CACNA1A: variants seen among roughly 807,000 people sequenced by gnomAD.
CACNA1A encodes the protein voltage-dependent P/Q-type calcium channel subunit alpha-1A.
In CACNA1A, 57 loss-of-function variants were observed where a neutral mutation model predicts 262.4. The ratio of observed to expected loss-of-function variants is 0.22; its 90% CI spans 0.18 to 0.27. The LOEUF (loss-of-function observed/expected upper bound fraction) is 0.27, where lower values mean the gene tolerates loss of function less well. CACNA1A is among the 10% of genes least tolerant of loss of function. The pLI, the probability that CACNA1A is intolerant of heterozygous loss-of-function variation, is 1.00. For missense variants in CACNA1A, 2,526 were observed against 3,562.8 expected, an observed-to-expected ratio of 0.71 and a Z score of 7.41; for synonymous variants, 1,431 against 1,419.3, an observed-to-expected ratio of 1.01 and a Z score of -0.18.
intron 44 of CACNA1A, among the ~76,000 whole-genome samples, chr19:13,209,842 G>A (rs1318517712): frequency 2.0e-5 from 3 of 152,118 alleles, no homozygotes; most frequent in Non-Finnish European, 4.4e-5. Context: ...TGGCCAGAGG[G>A]AAGCCCTCTC....
At chr19:13,482,801 G>T (rs1016974529) in intron 1 of CACNA1A, among the ~76,000 whole-genome samples, 12 of 151,518 alleles carry the variant, frequency 7.9e-5, no homozygotes, top group African/African-American at 2.7e-4. Context: ...CTTCCTGTTA[G>T]GAAATGCTCC....
chr19:13,296,395 T>C (rs909500855), intron 19 of CACNA1A, among the ~76,000 whole-genome samples: 1 of 152,210 alleles, frequency 6.6e-6, no homozygotes, highest in Admixed American at 6.5e-5. Context: ...TAGGACAATG[T>C]CTACGATGTC....
chr19:13,374,422 AT>A (rs1399532682), intron 3 of CACNA1A, among the ~76,000 whole-genome samples: 3 of 151,646 alleles, frequency 2.0e-5, no homozygotes, highest in Non-Finnish European at 2.9e-5. Context: ...AAATTAAAAA[AT>A]TTTTTTTGTA....
At chr19:13,300,514 A>G (rs777662353) in intron 18 of CACNA1A, 36 bp downstream of exon 18, 2 of 1,425,956 alleles carry the variant, frequency 1.4e-6, no homozygotes, top group Non-Finnish European at 2.0e-6. Context: ...GACGTTCAGG[A>G]GCCAGGGTAG....
At chr19:13,368,863 C>T (rs2059266712) in intron 4 of CACNA1A, among the ~76,000 whole-genome samples, 1 of 141,046 alleles carries the variant, frequency 7.1e-6, no homozygotes, top group Non-Finnish European at 1.5e-5. Context: ...ACGGTGAAAC[C>T]CCGTCTCTAC....
intron 3 of CACNA1A, chr19:13,452,641 C>T (rs773774158): frequency 1.5e-4 from 62 of 401,486 alleles, no homozygotes; most frequent in Non-Finnish European, 2.5e-4. Context: ...GCATAAAGCA[C>T]TCTGGAAGCA....
At chr19:13,482,027 A>G (rs1201178495) in intron 1 of CACNA1A, among the ~76,000 whole-genome samples, 1 of 152,144 alleles carries the variant, frequency 6.6e-6, no homozygotes, top group Non-Finnish European at 1.5e-5. Flanking sequence ...TTGGCATAGA[A>G]TTTATCTCCC....
Position 13,212,682 on chromosome 19 carries a change from C to A in CACNA1A, c.5999G>T (p.Gly2000Val). The A allele has an allele frequency of 6.6e-7, 1 of 1,511,802 alleles. No individual in the cohort carries two copies. The highest frequency in any genetic ancestry group is 2.3e-5 in the Admixed American group (1 of 44,180). 93.6% of individuals were successfully genotyped at this position (1,511,802 alleles called of 1,614,324 possible). ...MEPPSPTQEG[G>V]PGQNALPSTQ... ...GGAGGGGAGGGCGTTCTGGCCAGGT[C>A]CCCCTTCCTGCGTTGGGGACGGGGG... Residue 2000 changes from glycine (G) to valine (V), a missense_variant, in exon 41 of 47, where the codon GGA becomes GTA. Gly to Val is a moderately radical substitution (Grantham distance 109, BLOSUM62 -3). This residue lies in a region of CACNA1A where 929 missense variants were observed against 868.1 expected (regional missense o/e 1.07). Transcript: ENST00000360228. The surrounding 1 kb of genome is among the most constrained non-coding windows in gnomAD (Gnocchi z 5.6).
intron 11 of CACNA1A, chr19:13,316,402 A>C (rs2058127400): frequency 6.6e-6 from 1 of 152,210 alleles, no homozygotes; most frequent in South Asian, 2.1e-4. Flanking sequence ...GAATCTGGGA[A>C]TAGGCCCAGA....
chr19:13,219,894 G>A (rs2055158276), intron 38 of CACNA1A, among the ~76,000 whole-genome samples: 1 of 149,540 alleles, frequency 6.7e-6, no homozygotes, highest in Non-Finnish European at 1.5e-5. Flanking sequence ...AGGTTGCAGT[G>A]AGCCGAGATT....
chr19:13,314,870 T>C (rs755707514), intron 11 of CACNA1A, among the ~76,000 whole-genome samples: 2 of 152,170 alleles, frequency 1.3e-5, no homozygotes, highest in South Asian at 4.1e-4. Context: ...ACTCTAGGGT[T>C]CCTAGGACCA....
intron 1 of CACNA1A, among the ~76,000 whole-genome samples, chr19:13,461,230 C>T (rs755688258): frequency 1.5e-4 from 23 of 152,162 alleles, no homozygotes; most frequent in Non-Finnish European, 2.2e-4. Context: ...ATCTCAGCTA[C>T]TTGGGAGGCT....
intron 3 of CACNA1A, among the ~76,000 whole-genome samples, chr19:13,425,516 C>T (rs1255414819): frequency 6.6e-6 from 1 of 152,180 alleles, no homozygotes; most frequent in African/African-American, 2.4e-5. Flanking sequence ...TCTTTCCATT[C>T]CCAGAGATTT....
At chr19:13,461,928 C>T (rs2061131372) in intron 1 of CACNA1A, among the ~76,000 whole-genome samples, 1 of 152,156 alleles carries the variant, frequency 6.6e-6, no homozygotes, top group Admixed American at 6.5e-5. Context: ...GGTGAGGAGA[C>T]ACAGAGCTCT....
chr19:13,415,990 C>T (rs1051020531), intron 3 of CACNA1A, among the ~76,000 whole-genome samples: 6 of 152,072 alleles, frequency 3.9e-5, no homozygotes, highest in East Asian at 1.9e-4. Flanking sequence ...AAGCTTCCTA[C>T]GCTGATAAAA....
intron 5 of CACNA1A, chr19:13,363,548 G>A (rs2059151947): frequency 6.6e-6 from 1 of 151,392 alleles, no homozygotes; most frequent in African/African-American, 2.4e-5. Context: ...TCCAACCATT[G>A]CAAATAAACC....
At chr19:13,344,940 G>A (rs2058738876) in intron 6 of CACNA1A, among the ~76,000 whole-genome samples, 1 of 151,298 alleles carries the variant, frequency 6.6e-6, no homozygotes, top group Non-Finnish European at 1.5e-5. Context: ...TATTTTTTTA[G>A]TAAAGATGGG....
At chr19:13,416,771 C>T (rs556426522) in intron 3 of CACNA1A, among the ~76,000 whole-genome samples, 2 of 152,132 alleles carry the variant, frequency 1.3e-5, no homozygotes, top group South Asian at 2.1e-4. Flanking sequence ...GCTGAGATCG[C>T]GCCACTGCAC....
At chr19:13,339,148 G>A (rs1247673339) in intron 6 of CACNA1A, among the ~76,000 whole-genome samples, 1 of 152,160 alleles carries the variant, frequency 6.6e-6, no homozygotes, top group Non-Finnish European at 1.5e-5. Flanking sequence ...ACAGGCGTGA[G>A]CCACTGAGCC....
Sources: gnomAD v4.1 joint callset for allele counts (sites outside exome capture counted in the v4.1 genomes callset) on GRCh38, gnomAD v4.1.1 for gene constraint, gnomAD v4.1.1 regional missense constraint, Gnocchi (gnomAD v3.1) non-coding constraint, MANE v1.5 for transcripts, NCBI Gene and HGNC (gene_info 2026-07-23, HGNC 2026-07-21) for gene names.